Variants in NUP93 observed in about 807,000 individuals in gnomAD.
NUP93 encodes nuclear pore complex protein Nup93.
In NUP93, 55 loss-of-function variants were observed where a neutral mutation model predicts 107.8. The ratio of observed to expected loss-of-function variants is 0.51; its 90% CI spans 0.41 to 0.64. The LOEUF is 0.64. Among genes scored for constraint, NUP93 ranks in the 30% least tolerant of loss-of-function variants. NUP93 has a pLI of 0.00. For synonymous variants in NUP93, 390 were observed against 397.5 expected (o/e 0.98, Z 0.22); for missense variants, 937 against 1,044.7 (o/e 0.90, Z 1.42).
At chr16:56,761,846 C>T (rs1330299856) in intron 3 of NUP93, among the ~76,000 whole-genome samples, 1 of 151,986 alleles carries the variant, frequency 6.6e-6, no homozygotes, top group Admixed American at 6.6e-5. Context: ...TTTGTTGTTA[C>T]CATTTTGTTG....
At position 56,846,838 on chromosome 16, in the gene NUP93, TAA is replaced by T. The variant is rs760183475; in HGVS notation, c.*2231_*2232del. 1 of 152,246 alleles carries T rather than the reference TAA, an allele frequency of 6.6e-6. No homozygotes were observed. The highest frequency in any genetic ancestry group is 1.5e-5 in the Non-Finnish European group (1 of 68,046). The allele number at this position is 152,246 out of a possible 1,614,324, so 9.4% of individuals were successfully genotyped here. Reference sequence around the variant, plus strand: ...CACAAATGAGAAGGCTCAAGTTGTTTAAATACATGTTTGCTCCTGGCTTACCT... The same window carrying T: ...CACAAATGAGAAGGCTCAAGTTGTTTATACATGTTTGCTCCTGGCTTACCT... On this transcript the variant is annotated 3_prime_UTR_variant, in exon 22 of 22. Coordinates refer to ENST00000308159, the MANE Select transcript of NUP93 (RefSeq NM_014669.5).
Position 56,824,299 on chromosome 16 carries a change from A to G in NUP93, c.794+453A>G, listed in dbSNP as rs565112022. On this transcript the variant is annotated intron_variant, in intron 8 of 21. Coordinates refer to ENST00000308159, the MANE Select transcript of NUP93 (RefSeq NM_014669.5). ...TTCTGACTCTACTTGGTTAATTCCCATAAGTCAGGGTCATTCTGAGCTGAT... is the reference window on the plus strand; with the variant it reads ...TTCTGACTCTACTTGGTTAATTCCCGTAAGTCAGGGTCATTCTGAGCTGAT... Among the ~76,000 whole-genome samples, 3 of 149,602 alleles carry G rather than the reference A, an allele frequency of 2.0e-5. No individual in the cohort carries two copies. The South Asian group carries it at 6.2e-4, about 31-fold the overall frequency.
At chr16:56,826,727 T>C (rs1346677496) in intron 8 of NUP93, among the ~76,000 whole-genome samples, 1 of 152,014 alleles carries the variant, frequency 6.6e-6, no homozygotes, top group East Asian at 1.9e-4. Flanking sequence ...GTTCTTGACG[T>C]GTATTTTTTT....
chr16:56,843,804 G>A (rs1432561915), intron 21 of NUP93, among the ~76,000 whole-genome samples: 2 of 152,304 alleles, frequency 1.3e-5, no homozygotes, highest in Admixed American at 1.3e-4. Flanking sequence ...TGACTCCTCA[G>A]TGTTTCTTTA....
At chr16:56,834,278 A>G (rs1468515703) in intron 14 of NUP93, 24 bp downstream of exon 14, 1 of 1,613,324 alleles carries the variant, frequency 6.2e-7, no homozygotes, top group Admixed American at 1.7e-5. Flanking sequence ...TTGACCATTT[A>G]CTTCAGCTAG....
chr16:56,823,851 GGCAGCAGTA>G lies in NUP93; in HGVS notation c.794+9_794+17del. 1.9e-6 allele frequency: 3 copies of G among 1,613,298 alleles called. No individual in the cohort carries two copies. The highest frequency in any genetic ancestry group is 2.5e-6 in the Non-Finnish European group (3 of 1,179,836). ...CTTGGCGTACCTTGAGCAGAGGTAAGGCAGCAGTAGCACAGTGGGGCTGGCTTTCACATC... is the reference window on the plus strand; with the variant it reads ...CTTGGCGTACCTTGAGCAGAGGTAAGGCACAGTGGGGCTGGCTTTCACATC... On this transcript the variant is annotated splice_donor_region_variant and intron_variant, in intron 8 of 21. Transcript: ENST00000308159.
chr16:56,784,198 AGTT>A (rs1962576868), intron 3 of NUP93, among the ~76,000 whole-genome samples: 1 of 152,184 alleles, frequency 6.6e-6, no homozygotes, highest in Non-Finnish European at 1.5e-5. Flanking sequence ...AATTTAAAAG[AGTT>A]CAGGTTTCTT....
At chr16:56,759,834 G>GT (rs1445964757) in intron 3 of NUP93, among the ~76,000 whole-genome samples, 1 of 151,998 alleles carries the variant, frequency 6.6e-6, no homozygotes, top group South Asian at 2.1e-4. Context: ...TGCTGAAAGG[G>GT]TTTTTGTTCG....
intron 1 of NUP93, among the ~76,000 whole-genome samples, chr16:56,735,069 A>G (rs1352545597): frequency 6.6e-6 from 1 of 152,274 alleles, no homozygotes; most frequent in Non-Finnish European, 1.5e-5. Flanking sequence ...GACAGAGCTC[A>G]GGAGATGATG....
intron 8 of NUP93, among the ~76,000 whole-genome samples, chr16:56,828,428 G>A (rs2144624443): frequency 6.6e-6 from 1 of 152,242 alleles, no homozygotes; most frequent in Non-Finnish European, 1.5e-5. Flanking sequence ...GCAGGAGAAG[G>A]TCCTAGTTCT....
chr16:56,765,266 T>C lies in NUP93; in HGVS notation c.297+6611T>C, dbSNP rs8048906. Reference sequence around the variant, plus strand: ...TGGAATCTAATGGTGTGAAGGCTTTTAGTTAAGCATTTGCATTTATTTATC... The same window carrying C: ...TGGAATCTAATGGTGTGAAGGCTTTCAGTTAAGCATTTGCATTTATTTATC... On this transcript the variant is annotated intron_variant, in intron 3 of 21. Coordinates refer to ENST00000308159, the MANE Select transcript of NUP93 (RefSeq NM_014669.5). Among the ~76,000 whole-genome samples, 308 of 152,398 alleles carry C rather than the reference T, an allele frequency of 2.0e-3. 1 individual carries two copies. The highest frequency in any genetic ancestry group is 7.0e-3 in the African/African-American group (291 of 41,596).
intron 3 of NUP93, 118 bp from the exon 4 acceptor site, chr16:56,798,358 A>G: frequency 4.0e-6 from 3 of 741,226 alleles, no homozygotes; most frequent in Non-Finnish European, 4.6e-6. Flanking sequence ...AAGTTGGGAG[A>G]GTTTTGTGAG....
chr16:56,808,228 A>T (rs1167856589), intron 5 of NUP93, among the ~76,000 whole-genome samples: 164 of 105,212 alleles, frequency 1.6e-3, no homozygotes, highest in African/African-American at 5.2e-3. Context: ...TAACTATATA[A>T]AATATATAGT....
intron 4 of NUP93, among the ~76,000 whole-genome samples, chr16:56,804,117 A>G (rs1409670255): frequency 6.6e-6 from 1 of 152,198 alleles, no homozygotes; most frequent in Non-Finnish European, 1.5e-5. Flanking sequence ...CACTGCAGGT[A>G]GAAATGTGAA....
At chr16:56,741,441 T>G (rs569115215) in intron 1 of NUP93, among the ~76,000 whole-genome samples, 1 of 152,322 alleles carries the variant, frequency 6.6e-6, no homozygotes, top group African/African-American at 2.4e-5. Flanking sequence ...GTAAATCAGT[T>G]TATCTGCTAG....
At chr16:56,733,021 TG>T (rs1961558331) in intron 1 of NUP93, among the ~76,000 whole-genome samples, 1 of 152,214 alleles carries the variant, frequency 6.6e-6, no homozygotes, top group Non-Finnish European at 1.5e-5. Flanking sequence ...CTTTCCCAGC[TG>T]GCTGCAGCAT....
At chr16:56,747,032 C>G (rs142604869) in intron 1 of NUP93, among the ~76,000 whole-genome samples, 1 of 150,122 alleles carries the variant, frequency 6.7e-6, no homozygotes, top group African/African-American at 2.5e-5. Flanking sequence ...GAGTCTCACT[C>G]TATTGCCCAG....
chr16:56,741,588 G>A (rs1961740843), intron 1 of NUP93, among the ~76,000 whole-genome samples: 1 of 151,886 alleles, frequency 6.6e-6, no homozygotes, highest in Non-Finnish European at 1.5e-5. Flanking sequence ...TTATTTTACT[G>A]TTATTATTTA....
intron 3 of NUP93, among the ~76,000 whole-genome samples, chr16:56,765,766 C>A (rs371899186): frequency 1.4e-4 from 21 of 152,132 alleles, no homozygotes; most frequent in Middle Eastern, 3.4e-3. Flanking sequence ...ACCATTAAAC[C>A]TGTACAAAAA....
Sources: allele counts gnomAD v4.1 joint callset (sites outside exome capture counted in the v4.1 genomes callset), GRCh38; gene constraint gnomAD v4.1.1; transcripts MANE v1.5; gene names NCBI Gene and HGNC (gene_info 2026-07-23, HGNC 2026-07-21).